Variants in HNRNPA2B1 observed in about 807,000 individuals in gnomAD.
The protein encoded by HNRNPA2B1 is heterogeneous nuclear ribonucleoprotein A2/B1, also known as heterogeneous nuclear ribonucleoproteins A2/B1.
Under a neutral mutation model 46.3 loss-of-function variants are expected in HNRNPA2B1, and 3 were observed. That is an observed-to-expected ratio of 0.06 (90% CI 0.03 to 0.17). The LOEUF (loss-of-function observed/expected upper bound fraction) is 0.17, where lower values mean the gene tolerates loss of function less well. Ranked by LOEUF, HNRNPA2B1 falls within the 10% of genes least tolerant of loss-of-function variation. HNRNPA2B1 has a pLI of 1.00. For synonymous variants in HNRNPA2B1, 225 were observed against 133.8 expected (o/e 1.68, Z -4.70); for missense variants, 221 against 418.9 (o/e 0.53, Z 4.12).
Position 26,197,746 on chromosome 7 carries a change from T to A in HNRNPA2B1, c.7-14A>T. Reference sequence around the variant, plus strand: ...TTCCTTTTCTCTCTGCAAAGGAAAATACCATTTCAATTTTTATTTACATTT... The same window carrying A: ...TTCCTTTTCTCTCTGCAAAGGAAAAAACCATTTCAATTTTTATTTACATTT... On this transcript the variant is annotated splice_polypyrimidine_tract_variant and intron_variant, in intron 1 of 10. Coordinates refer to ENST00000618183, the MANE Select transcript of HNRNPA2B1 (RefSeq NM_002137.4). 6.2e-7 allele frequency: 1 copy of A among 1,604,256 alleles called. No homozygotes were observed. Among genetic ancestry groups the A allele is most frequent in the South Asian group, 1.1e-5 (1 of 89,696 alleles).
rs1356582695 is a variant in HNRNPA2B1 at position 26,197,822 on chromosome 7, G to A, written c.7-90C>T. 2.5e-6 allele frequency: 4 copies of A among 1,604,820 alleles called. No homozygotes were observed. Among genetic ancestry groups the A allele is most frequent in the Non-Finnish European group, 3.4e-6 (4 of 1,175,872 alleles). On this transcript the variant is annotated intron_variant, in intron 1 of 10. Transcript: ENST00000618183. ...TTCTTAAATATGAGGTGACCTGCTG[G>A]CAGAGTACCTTTTTCCTCTCCAAAG...
At chr7:26,198,075 T>A in intron 1 of HNRNPA2B1, 1 of 394,042 alleles carries the variant, frequency 2.5e-6, no homozygotes, top group East Asian at 3.9e-5. Flanking sequence ...AGACCGTGAT[T>A]ATCAAAGGAT....
rs1784332272 is a variant in HNRNPA2B1, at chr7:26,200,670, T to C, written c.-93A>G. The C allele has an allele frequency of 3.9e-6, 6 of 1,522,222 alleles. No individual in the cohort carries two copies. Among genetic ancestry groups the C allele is most frequent in the Admixed American group, 3.3e-5 (2 of 59,898 alleles). The allele number at this position is 1,522,222 out of a possible 1,614,324, so 94.3% of individuals were successfully genotyped here. A position where few individuals can be genotyped will look rare whatever the true frequency, so the allele number is the denominator to read the frequency against. The stretch of plus-strand genomic sequence containing the variant: ...ACACGAACCGGACTCGTCCTGGCGC[T>C]GTAGTGAGAACTGCCGCTGCTCGAG... On this transcript the variant is annotated 5_prime_UTR_variant, in exon 1 of 11. Transcript: ENST00000618183.
Position 26,200,719 on chromosome 7 carries a change from C to T in HNRNPA2B1, c.-142G>A, listed in dbSNP as rs897502661. ...AGAAACAACTCTGCGAGGAGCACCT[C>T]CGCACGGGACCCGGCGCTGCTGCTA... is the stretch of plus-strand genomic sequence containing the variant. On this transcript the variant is annotated 5_prime_UTR_variant, in exon 1 of 11. Transcript: ENST00000618183. 1 of 1,027,238 alleles carries T rather than the reference C, an allele frequency of 9.7e-7. No homozygotes were observed. The highest frequency in any genetic ancestry group is 1.6e-5 in the African/African-American group (1 of 63,958). 63.6% of individuals were successfully genotyped at this position (1,027,238 alleles called of 1,614,324 possible).
intron 9 of HNRNPA2B1, 139 bp downstream of exon 9, chr7:26,193,112 A>C: frequency 1.3e-6 from 1 of 795,932 alleles, no homozygotes; most frequent in South Asian, 2.2e-5. Flanking sequence ...TTTATGCAAA[A>C]TTTCTTTATT....
chr7:26,197,183 T>C, intron 3 of HNRNPA2B1, 132 bp downstream of exon 3: 1 of 1,217,128 alleles, frequency 8.2e-7, no homozygotes, highest in South Asian at 1.5e-5. Flanking sequence ...CTTAAGAAAA[T>C]GGTCCAGAAA....
Position 26,190,162 on chromosome 7 carries a change from T to C in HNRNPA2B1, c.*2198A>G, listed in dbSNP as rs1782734963. 1 of 152,640 alleles carries C rather than the reference T, an allele frequency of 6.6e-6. No homozygotes were observed. Among genetic ancestry groups the C allele is most frequent in the Admixed American group, 6.5e-5 (1 of 15,288 alleles). 9.5% of individuals were successfully genotyped at this position (152,640 alleles called of 1,614,324 possible). A position where few individuals can be genotyped will look rare whatever the true frequency, so the allele number is the denominator to read the frequency against. On this transcript the variant is annotated 3_prime_UTR_variant, in exon 11 of 11. Coordinates refer to ENST00000618183, the MANE Select transcript of HNRNPA2B1 (RefSeq NM_002137.4). ...AAGTATTTATTTTATAAACTTTATA[T>C]TTAAAATAGAATTGTAATCTGTCTA...
intron 7 of HNRNPA2B1, among the ~76,000 whole-genome samples, chr7:26,194,722 A>G (rs150295010): frequency 8.4e-4 from 128 of 151,726 alleles, no homozygotes; most frequent in Middle Eastern, 6.8e-3. Flanking sequence ...AACACTCCAC[A>G]CAGTATGTTC....
chr7:26,198,225 C>A (rs984110097), intron 1 of HNRNPA2B1: 1 of 174,524 alleles, frequency 5.7e-6, no homozygotes, highest in African/African-American at 2.4e-5. Flanking sequence ...TGAAAAGTAT[C>A]ATTTATTTTC....
chr7:26,197,588 C>T (rs1464200884), intron 2 of HNRNPA2B1, 34 bp downstream of exon 2: 2 of 1,574,632 alleles, frequency 1.3e-6, no homozygotes, highest in East Asian at 2.2e-5. Context: ...AGCTAAAAGA[C>T]TAATATCCAG....
chr7:26,195,745 C>CT (rs1783510113), intron 7 of HNRNPA2B1, 102 bp downstream of exon 7: 1 of 1,299,210 alleles, frequency 7.7e-7, no homozygotes. Context: ...TTTATAGACA[C>CT]TAATATAAAA....
chr7:26,199,171 C>T (rs762894047), intron 1 of HNRNPA2B1: 1 of 152,520 alleles, frequency 6.6e-6, no homozygotes, highest in Non-Finnish European at 1.5e-5. Context: ...TAACAAAAAG[C>T]AAAAACTCAT....
intron 1 of HNRNPA2B1, 139 bp downstream of exon 1, chr7:26,200,433 A>T: frequency 1.2e-6 from 1 of 860,008 alleles, no homozygotes; most frequent in Non-Finnish European, 2.0e-6. Context: ...GACCCCGTTC[A>T]TAAACCTTAA....
chr7:26,193,731 T>G lies in HNRNPA2B1; in HGVS notation c.722-37A>C, dbSNP rs1583971434. On this transcript the variant is annotated intron_variant, in intron 7 of 10. Coordinates refer to ENST00000618183, the MANE Select transcript of HNRNPA2B1 (RefSeq NM_002137.4). Reference sequence around the variant, plus strand: ...TAAGCCTTTAAGTAATCACTTAATATTTTCAATACCATTTTGAACTGTCTC... The same window carrying G: ...TAAGCCTTTAAGTAATCACTTAATAGTTTCAATACCATTTTGAACTGTCTC... The G allele has an allele frequency of 3.9e-6, 6 of 1,556,586 alleles. No individual in the cohort carries two copies. In the East Asian group the frequency reaches 6.8e-5, roughly 18 times the overall value.
intron 9 of HNRNPA2B1, among the ~76,000 whole-genome samples, chr7:26,192,793 T>C (rs961856367): frequency 6.6e-6 from 1 of 152,144 alleles, no homozygotes; most frequent in African/African-American, 2.4e-5. Flanking sequence ...AAATAAAGGG[T>C]CCTTTCACCC....
intron 7 of HNRNPA2B1, among the ~76,000 whole-genome samples, chr7:26,194,061 T>G (rs1265117433): frequency 6.6e-6 from 1 of 152,172 alleles, no homozygotes; most frequent in Non-Finnish European, 1.5e-5. Context: ...GCCCAAAAGA[T>G]AAAGTTTCTA....
intron 7 of HNRNPA2B1, chr7:26,195,622 ACT>A: frequency 1.9e-6 from 1 of 523,222 alleles, no homozygotes; most frequent in Non-Finnish European, 3.4e-6. Flanking sequence ...AAGATGAGAT[ACT>A]CTGATGGTTA....
rs948077800 is a variant in HNRNPA2B1 at position 26,191,396 on chromosome 7, G to A, written c.*964C>T. The stretch of plus-strand genomic sequence containing the variant: ...TTTATCTTTTAGGGAGGAAAATTAA[G>A]AAAGGAAAAGTAAATAAGATCTTAC... On this transcript the variant is annotated 3_prime_UTR_variant, in exon 11 of 11. Transcript: ENST00000618183. 1 of 152,114 alleles carries A rather than the reference G, an allele frequency of 6.6e-6. No homozygotes were observed. Among genetic ancestry groups the A allele is most frequent in the African/African-American group, 2.4e-5 (1 of 41,436 alleles). 9.4% of individuals were successfully genotyped at this position (152,114 alleles called of 1,614,324 possible).
Position 26,197,200 on chromosome 7 carries a change from A to G in HNRNPA2B1, c.264+115T>C, listed in dbSNP as rs1783741908. 3 of 1,312,694 alleles carry G rather than the reference A, an allele frequency of 2.3e-6. No individual in the cohort carries two copies. In the East Asian group the frequency reaches 7.0e-5, roughly 30 times the overall value. The allele number at this position is 1,312,694 out of a possible 1,614,324, so 81.3% of individuals were successfully genotyped here. ...TAAGAAAATGGTCCAGAAACCCAACACACCTTTAATAAGAGAAAAAATCTT... is the reference window on the plus strand; with the variant it reads ...TAAGAAAATGGTCCAGAAACCCAACGCACCTTTAATAAGAGAAAAAATCTT... On this transcript the variant is annotated intron_variant, in intron 3 of 10. Transcript: ENST00000618183.
Sources: gnomAD v4.1 joint callset for allele counts (sites outside exome capture counted in the v4.1 genomes callset) on GRCh38, gnomAD v4.1.1 for gene constraint, MANE v1.5 for transcripts, NCBI Gene and HGNC (gene_info 2026-07-23, HGNC 2026-07-21) for gene names.